Variants in PCDH9 observed in about 807,000 individuals in gnomAD.
PCDH9 encodes the protein protocadherin 9, also known as protocadherin-9.
Under a neutral mutation model 70.6 loss-of-function variants are expected in PCDH9, and 24 were observed. The observed-to-expected ratio is 0.34, with a 90% CI of 0.25 to 0.48. The LOEUF is 0.48. PCDH9 is among the 20% of genes least tolerant of loss of function. PCDH9 has a pLI of 0.99. For synonymous variants in PCDH9, 562 were observed against 558.5 expected, an observed-to-expected ratio of 1.01 and a Z score of -0.09; for missense variants, 1,281 against 1,503.6, an observed-to-expected ratio of 0.85 and a Z score of 2.45.
intron 3 of PCDH9, among the ~76,000 whole-genome samples, chr13:66,654,883 T>C (rs1260250906): frequency 6.6e-6 from 1 of 151,566 alleles, no homozygotes; most frequent in African/African-American, 2.4e-5. Flanking sequence ...TAATTTTTGT[T>C]TTTGTTTTTG....
rs183246285 is a variant in PCDH9 at position 66,973,863 on chromosome 13, G to A, written c.3037-70258C>T. On this transcript the variant is annotated intron_variant, in intron 2 of 4. Transcript: ENST00000377865. ...ATTTCCCCAAGGTTTGTTAGCATTT[G>A]CTTGTATTTTGTTTACTTTTGCACA... Among the ~76,000 whole-genome samples the A allele has an allele frequency of 2.6e-5, 4 of 152,096 alleles. No individual in the cohort carries two copies. In the East Asian group the frequency reaches 7.7e-4, roughly 29 times the overall value.
At chr13:66,984,194 C>A (rs2083840184) in intron 2 of PCDH9, among the ~76,000 whole-genome samples, 1 of 152,110 alleles carries the variant, frequency 6.6e-6, no homozygotes, top group Non-Finnish European at 1.5e-5. Context: ...TTTACTACGT[C>A]AGATTCCAGT....
At chr13:67,077,596 T>C (rs937099806) in intron 2 of PCDH9, among the ~76,000 whole-genome samples, 10 of 152,322 alleles carry the variant, frequency 6.6e-5, no homozygotes, top group East Asian at 1.9e-4. Context: ...TGGCACATAA[T>C]AGAATACGTA....
intron 2 of PCDH9, among the ~76,000 whole-genome samples, chr13:66,963,582 T>C (rs2083384250): frequency 6.6e-6 from 1 of 152,242 alleles, no homozygotes; most frequent in African/African-American, 2.4e-5. Context: ...ATTTTTATCA[T>C]TGGTGTTAGC....
chr13:66,672,414 T>C (rs2078188024), intron 3 of PCDH9, among the ~76,000 whole-genome samples: 1 of 152,122 alleles, frequency 6.6e-6, no homozygotes, highest in Non-Finnish European at 1.5e-5. Context: ...AATGCCTTGA[T>C]GGCCAGGCAG....
chr13:67,108,807 G>T (rs2086598419), intron 2 of PCDH9, among the ~76,000 whole-genome samples: 3 of 152,108 alleles, frequency 2.0e-5, no homozygotes, highest in Non-Finnish European at 4.4e-5. Context: ...TAATTATACT[G>T]CAATGAATGC....
Position 67,228,179 on chromosome 13 carries a change from T to C in PCDH9, c.262A>G (p.Thr88Ala). 6.2e-7 allele frequency: 1 copy of C among 1,613,556 alleles called. No homozygotes were observed. The highest frequency in any genetic ancestry group is 8.5e-7 in the Non-Finnish European group (1 of 1,179,826). The change falls in exon 2 of 5, where the codon ACC (threonine) becomes GCC (alanine). Residue 88 changes from threonine (T) to alanine (A), a missense_variant. Physicochemically the swap from Thr to Ala is moderately conservative, Grantham distance 58 (BLOSUM62 0). This residue lies in a region of PCDH9 where 798 missense variants were observed against 1,003.1 expected (regional missense o/e 0.80). Transcript: ENST00000377865. ...TTTTCTCTGTCTATTCTGTTGGAGG[T>C]TGTGAAAATTTCCCCAGTGCTGCTG... Reference protein sequence around the residue: ...VSSSTGEIFTTSNRIDREKLC... With the variant: ...VSSSTGEIFTASNRIDREKLC...
chr13:67,123,203 A>C (rs1020829991), intron 2 of PCDH9, among the ~76,000 whole-genome samples: 1 of 152,184 alleles, frequency 6.6e-6, no homozygotes, highest in African/African-American at 2.4e-5. Flanking sequence ...ACAAAAGGTA[A>C]GTTTCCAGGG....
At chr13:66,368,100 A>G (rs1038370426) in intron 4 of PCDH9, among the ~76,000 whole-genome samples, 2 of 152,132 alleles carry the variant, frequency 1.3e-5, no homozygotes, top group African/African-American at 4.8e-5. Context: ...TAAGTGAGGT[A>G]CATATCAATA....
chr13:66,622,387 C>T (rs943364836), intron 4 of PCDH9, among the ~76,000 whole-genome samples: 12 of 152,298 alleles, frequency 7.9e-5, no homozygotes, highest in African/African-American at 2.2e-4. Flanking sequence ...GTGCAGGAGC[C>T]ACTGGGTGAA....
intron 2 of PCDH9, among the ~76,000 whole-genome samples, chr13:66,919,221 C>T (rs887830743): frequency 4.0e-5 from 6 of 151,176 alleles, no homozygotes; most frequent in Non-Finnish European, 8.9e-5. Flanking sequence ...AAAGTTACTG[C>T]TTCAGGACTA....
intron 3 of PCDH9, among the ~76,000 whole-genome samples, chr13:66,647,925 G>A (rs2077794331): frequency 6.6e-6 from 1 of 152,170 alleles, no homozygotes; most frequent in Non-Finnish European, 1.5e-5. Flanking sequence ...GGCAGTACCT[G>A]CTGTGGGCCT....
chr13:66,634,362 T>C (rs1181996627), intron 3 of PCDH9, among the ~76,000 whole-genome samples: 2 of 152,170 alleles, frequency 1.3e-5, no homozygotes, highest in East Asian at 3.8e-4. Context: ...AAAGAATGTC[T>C]GAACTATCAG....
intron 2 of PCDH9, among the ~76,000 whole-genome samples, chr13:67,191,161 A>T (rs1287420193): frequency 6.6e-6 from 1 of 152,132 alleles, no homozygotes; most frequent in Non-Finnish European, 1.5e-5. Flanking sequence ...CTCTGAGCTT[A>T]TAAGTTTTAC....
chr13:66,511,870 C>T (rs1182438565), intron 4 of PCDH9, among the ~76,000 whole-genome samples: 1 of 152,058 alleles, frequency 6.6e-6, no homozygotes, highest in African/African-American at 2.4e-5. Flanking sequence ...GCTTCCTGTG[C>T]AACCTGTGGA....
At chr13:66,730,590 G>A (rs1484256660) in intron 3 of PCDH9, among the ~76,000 whole-genome samples, 1 of 151,942 alleles carries the variant, frequency 6.6e-6, no homozygotes, top group African/African-American at 2.4e-5. Flanking sequence ...ATTCCATGAG[G>A]GTGGAGCATA....
At chr13:66,995,075 G>T (rs1389411417) in intron 2 of PCDH9, among the ~76,000 whole-genome samples, 1 of 152,160 alleles carries the variant, frequency 6.6e-6, no homozygotes, top group African/African-American at 2.4e-5. Context: ...ACCACGGAGG[G>T]TGCTGACAGC....
intron 4 of PCDH9, among the ~76,000 whole-genome samples, chr13:66,397,495 TAC>T (rs1957121206): frequency 2.6e-5 from 4 of 151,412 alleles, no homozygotes; most frequent in Non-Finnish European, 2.9e-5. Flanking sequence ...TATATATGTA[TAC>T]ACACACAAAA....
intron 2 of PCDH9, among the ~76,000 whole-genome samples, chr13:67,091,232 C>A (rs2086211762): frequency 6.6e-6 from 1 of 151,990 alleles, no homozygotes; most frequent in Non-Finnish European, 1.5e-5. Context: ...CACATATGTT[C>A]TTTATTTAAA....
Sources: allele counts gnomAD v4.1 joint callset (sites outside exome capture counted in the v4.1 genomes callset), GRCh38; gene constraint gnomAD v4.1.1; regional missense constraint gnomAD v4.1.1; transcripts MANE v1.5; gene names NCBI Gene and HGNC (gene_info 2026-07-23, HGNC 2026-07-21).